The following BMAL1 variants were observed in gnomAD, a reference collection of about 807,000 sequenced individuals.
BMAL1 encodes the protein basic helix-loop-helix ARNT-like protein 1.
At chr11:13,350,538 A>G in the BMAL1 span, among the ~76,000 whole-genome samples, 1 of 152,238 alleles carries the variant, frequency 6.6e-6, no homozygotes, top group African/African-American at 2.4e-5. Flanking sequence ...ACAGTATAGT[A>G]CTGTGATGGA....
chr11:13,293,604 T>C, the BMAL1 span, among the ~76,000 whole-genome samples: 1 of 152,256 alleles, frequency 6.6e-6, no homozygotes, highest in Non-Finnish European at 1.5e-5. Context: ...ATCTTAATCC[T>C]GGACAGTCTT....
the BMAL1 span, among the ~76,000 whole-genome samples, chr11:13,292,277 G>A: frequency 3.9e-5 from 6 of 152,074 alleles, no homozygotes; most frequent in Non-Finnish European, 7.4e-5. Context: ...ATCAACGGTG[G>A]CTCACGCCTG....
At chr11:13,334,723 G>C in the BMAL1 span, among the ~76,000 whole-genome samples, 2 of 152,188 alleles carry the variant, frequency 1.3e-5, no homozygotes, top group Non-Finnish European at 2.9e-5. Context: ...GGAAGGATGT[G>C]ATGACCACCT....
the BMAL1 span, among the ~76,000 whole-genome samples, chr11:13,326,201 TAAAAA>T: frequency 1.4e-5 from 2 of 142,520 alleles, no homozygotes; most frequent in African/African-American, 5.2e-5. Context: ...AGACTCTGTC[TAAAAA>T]AAAAAAAAAG....
the BMAL1 span, among the ~76,000 whole-genome samples, chr11:13,335,752 G>C: frequency 4.0e-4 from 61 of 152,312 alleles, no homozygotes; most frequent in African/African-American, 1.3e-3. Context: ...TTATGAATAG[G>C]TGCAAGCATT....
chr11:13,358,387 T>G, the BMAL1 span: 1 of 1,461,730 alleles, frequency 6.8e-7, no homozygotes, highest in African/African-American at 1.4e-5. Context: ...CTTTTCTTGA[T>G]GCTTGGTTAC....
chr11:13,339,664 C>T, the BMAL1 span, among the ~76,000 whole-genome samples: 2 of 152,110 alleles, frequency 1.3e-5, no homozygotes, highest in African/African-American at 2.4e-5. Flanking sequence ...CAGCTCCCTG[C>T]GGCCCTGTTC....
chr11:13,325,640 C>T, the BMAL1 span, among the ~76,000 whole-genome samples: 2 of 127,380 alleles, frequency 1.6e-5, no homozygotes, highest in African/African-American at 3.2e-5. Context: ...CTGTCTGGTG[C>T]TGCCTTTTGA....
the BMAL1 span, among the ~76,000 whole-genome samples, chr11:13,314,222 G>A: frequency 8.4e-6 from 1 of 119,134 alleles, no homozygotes; most frequent in African/African-American, 3.0e-5. Context: ...CTCCTTAAGG[G>A]TGGAGACCAC....
chr11:13,379,593 T>C, the BMAL1 span: 1 of 152,216 alleles, frequency 6.6e-6, no homozygotes, highest in East Asian at 1.9e-4. Context: ...ACCTCAAGAA[T>C]TTTAAAATCT....
chr11:13,369,591 T>C, the BMAL1 span: 1 of 1,613,252 alleles, frequency 6.2e-7, no homozygotes, highest in Non-Finnish European at 8.5e-7. Context: ...GCTCTCAGTT[T>C]ATCACATTTT....
the BMAL1 span, among the ~76,000 whole-genome samples, chr11:13,346,683 CA>C: frequency 6.6e-6 from 1 of 152,196 alleles, no homozygotes; most frequent in Non-Finnish European, 1.5e-5. Context: ...CACATTCTTC[CA>C]AGGCATCTTG....
the BMAL1 span, chr11:13,379,833 C>T: frequency 1.3e-5 from 2 of 152,148 alleles, no homozygotes; most frequent in African/African-American, 4.8e-5. Context: ...AGACACAGAG[C>T]TATGATAGGC....
chr11:13,299,076 C>G, the BMAL1 span, among the ~76,000 whole-genome samples: 1 of 152,176 alleles, frequency 6.6e-6, no homozygotes, highest in South Asian at 2.1e-4. Flanking sequence ...CATCAGGACC[C>G]TTACAAGGGG....
At chr11:13,348,865 C>T in the BMAL1 span, among the ~76,000 whole-genome samples, 12 of 152,114 alleles carry the variant, frequency 7.9e-5, no homozygotes, top group Middle Eastern at 3.2e-3. Flanking sequence ...CTATAGCGAT[C>T]GAGGCAAAGA....
chr11:13,375,831 A>C, the BMAL1 span: 3 of 1,437,954 alleles, frequency 2.1e-6, no homozygotes, highest in East Asian at 7.6e-5. Context: ...TCATCTGGGA[A>C]ATGGGGTGCA....
At chr11:13,369,836 C>T in the BMAL1 span, 1 of 1,558,338 alleles carries the variant, frequency 6.4e-7, no homozygotes, top group South Asian at 1.2e-5. Context: ...GAGCTCTCAG[C>T]TGGGCGTTGG....
At chr11:13,350,390 A>G in the BMAL1 span, among the ~76,000 whole-genome samples, 2 of 152,240 alleles carry the variant, frequency 1.3e-5, no homozygotes, top group African/African-American at 4.8e-5. Context: ...AGGGTCTTTA[A>G]TATGATTAAA....
the BMAL1 span, among the ~76,000 whole-genome samples, chr11:13,324,109 C>G: frequency 7.3e-6 from 1 of 136,990 alleles, no homozygotes; most frequent in South Asian, 2.5e-4. Context: ...TAGTTTGTTT[C>G]TTTATCAACC....
Sources: allele counts gnomAD v4.1 joint callset (sites outside exome capture counted in the v4.1 genomes callset), GRCh38; gene constraint gnomAD v4.1.1; transcripts MANE v1.5; gene names NCBI Gene and HGNC (gene_info 2026-07-23, HGNC 2026-07-21).